Variants in LPP observed in about 807,000 individuals in gnomAD.
LPP encodes lipoma-preferred partner.
Under a neutral mutation model 60.4 loss-of-function variants are expected in LPP, and 38 were observed. The observed-to-expected ratio is 0.63, with a 90% CI of 0.49 to 0.83. LPP has a LOEUF of 0.83. LPP is among the 40% of genes least tolerant of loss of function. LPP has a pLI of 0.00. For missense variants in LPP, 902 were observed against 783.6 expected, an observed-to-expected ratio of 1.15 and a Z score of -1.80; for synonymous variants, 328 against 290.8, an observed-to-expected ratio of 1.13 and a Z score of -1.30.
At chr3:188,462,290 C>G (rs569592052) in intron 4 of LPP, among the ~76,000 whole-genome samples, 1 of 151,264 alleles carries the variant, frequency 6.6e-6, no homozygotes. Context: ...AACAGAGATA[C>G]TAACTAATGT....
chr3:188,592,557 G>GTTTTTTTTTT (rs1553936333), intron 6 of LPP, among the ~76,000 whole-genome samples: 1 of 85,746 alleles, frequency 1.2e-5, no homozygotes, highest in African/African-American at 4.5e-5. Flanking sequence ...TTTTGTTTTT[G>GTTTTTTTTTT]TTTTTTAAAT....
intron 1 of LPP, among the ~76,000 whole-genome samples, chr3:188,203,526 A>AATATATATATTTAAATATAT (rs1184377672): frequency 4.3e-3 from 139 of 32,408 alleles, no homozygotes; most frequent in African/African-American, 0.011. Context: ...AATATATATA[A>AATATATATATTTAAATATAT]ATATATATTT....
At chr3:188,661,508 T>A (rs1043196720) in intron 7 of LPP, among the ~76,000 whole-genome samples, 3 of 152,234 alleles carry the variant, frequency 2.0e-5, no homozygotes, top group Non-Finnish European at 1.5e-5. Context: ...AATTTTATTG[T>A]CAGTATCAGT....
intron 4 of LPP, among the ~76,000 whole-genome samples, chr3:188,461,314 C>A (rs1579074679): frequency 6.6e-6 from 1 of 152,246 alleles, no homozygotes; most frequent in East Asian, 1.9e-4. Context: ...CATCTTACTT[C>A]CCATAGTCTT....
chr3:188,511,186 C>T (rs1458227906), intron 5 of LPP, among the ~76,000 whole-genome samples: 10 of 128,076 alleles, frequency 7.8e-5, no homozygotes, highest in Non-Finnish European at 1.5e-4. Context: ...CTACCTGACT[C>T]TCTCCCTCCC....
At chr3:188,520,717 T>C (rs965185142) in intron 5 of LPP, among the ~76,000 whole-genome samples, 3 of 152,214 alleles carry the variant, frequency 2.0e-5, no homozygotes, top group African/African-American at 4.8e-5. Flanking sequence ...ACTAAGACGA[T>C]GTAATCTTTG....
chr3:188,251,354 C>T (rs1270343459), intron 2 of LPP, among the ~76,000 whole-genome samples: 1 of 151,804 alleles, frequency 6.6e-6, no homozygotes, highest in Non-Finnish European at 1.5e-5. Flanking sequence ...TTCTCTGTCC[C>T]AGCCATGAAG....
chr3:188,262,574 C>G (rs891209576), intron 2 of LPP, among the ~76,000 whole-genome samples: 1 of 151,920 alleles, frequency 6.6e-6, no homozygotes, highest in Non-Finnish European at 1.5e-5. Context: ...TTAAAATAAA[C>G]TTATCTCACC....
At chr3:188,734,919 C>T (rs976424666) in intron 8 of LPP, among the ~76,000 whole-genome samples, 1 of 152,068 alleles carries the variant, frequency 6.6e-6, no homozygotes, top group South Asian at 2.1e-4. Flanking sequence ...GGTGTCACCC[C>T]ATGCCCTGAA....
chr3:188,651,269 A>G (rs913876881), intron 7 of LPP, among the ~76,000 whole-genome samples: 2 of 152,208 alleles, frequency 1.3e-5, no homozygotes, highest in African/African-American at 4.8e-5. Context: ...GGAGATGGAC[A>G]TAGAAAGCAG....
chr3:188,322,680 T>C (rs564009809), intron 2 of LPP, among the ~76,000 whole-genome samples: 10 of 152,280 alleles, frequency 6.6e-5, no homozygotes, highest in African/African-American at 2.2e-4. Flanking sequence ...ACAGCTGTAG[T>C]GATGGGAAAA....
chr3:188,790,638 TGGTGAAACCC>T (rs1743373989), intron 9 of LPP, among the ~76,000 whole-genome samples: 1 of 151,948 alleles, frequency 6.6e-6, no homozygotes, highest in African/African-American at 2.4e-5. Context: ...CTGGCCAACA[TGGTGAAACCC>T]TTGTCTCTAC....
intron 2 of LPP, among the ~76,000 whole-genome samples, chr3:188,326,704 A>T (rs1166043625): frequency 6.6e-6 from 1 of 152,220 alleles, no homozygotes; most frequent in Non-Finnish European, 1.5e-5. Flanking sequence ...AACTAGTTTA[A>T]TGATTAGTTT....
chr3:188,771,880 A>C (rs1024010078), intron 9 of LPP, among the ~76,000 whole-genome samples: 2 of 152,202 alleles, frequency 1.3e-5, no homozygotes, highest in Non-Finnish European at 2.9e-5. Flanking sequence ...GAGAGATGGC[A>C]AGTCATGAGA....
chr3:188,638,884 G>T (rs1053210788), intron 7 of LPP, among the ~76,000 whole-genome samples: 1 of 151,874 alleles, frequency 6.6e-6, no homozygotes, highest in African/African-American at 2.4e-5. Flanking sequence ...ACAAATGGAA[G>T]AACATTCCAT....
intron 6 of LPP, among the ~76,000 whole-genome samples, chr3:188,576,527 A>G (rs186588597): frequency 3.9e-5 from 6 of 152,300 alleles, no homozygotes; most frequent in Admixed American, 2.6e-4. Flanking sequence ...TCTGTGATGC[A>G]GGGTTCTGAG....
intron 3 of LPP, among the ~76,000 whole-genome samples, chr3:188,380,106 C>G (rs1051266213): frequency 6.6e-6 from 1 of 152,124 alleles, no homozygotes; most frequent in African/African-American, 2.4e-5. Flanking sequence ...AGTGGAGAAC[C>G]AGGTGTGAAA....
chr3:188,177,363 A>G (rs956971283), intron 1 of LPP, among the ~76,000 whole-genome samples: 1 of 152,294 alleles, frequency 6.6e-6, no homozygotes, highest in Non-Finnish European at 1.5e-5. Flanking sequence ...GGGTGATGGC[A>G]TCTGTTTTGG....
At chr3:188,781,482 G>A (rs575018617) in intron 9 of LPP, among the ~76,000 whole-genome samples, 5 of 152,174 alleles carry the variant, frequency 3.3e-5, no homozygotes, top group East Asian at 1.9e-4. Flanking sequence ...AGTTCCACAC[G>A]GCTGGGGAGG....
Sources: allele counts gnomAD v4.1 joint callset (sites outside exome capture counted in the v4.1 genomes callset), GRCh38; gene constraint gnomAD v4.1.1; transcripts MANE v1.5; gene names NCBI Gene and HGNC (gene_info 2026-07-23, HGNC 2026-07-21).